The following SPOCK1 variants were observed in gnomAD, a reference collection of about 807,000 sequenced individuals.
SPOCK1 encodes the protein SPARC (osteonectin), cwcv and kazal like domains proteoglycan 1.
SPOCK1 carries 23 observed loss-of-function variants against 55.3 expected under a neutral mutation model. That is an observed-to-expected ratio of 0.42 (90% CI 0.30 to 0.59). The LOEUF is 0.59. Ranked by LOEUF, SPOCK1 falls within the 20% of genes least tolerant of loss-of-function variation. The pLI is 0.22. For missense variants in SPOCK1, 499 were observed against 552.5 expected, an observed-to-expected ratio of 0.90 and a Z score of 0.97; for synonymous variants, 226 against 221.0, an observed-to-expected ratio of 1.02 and a Z score of -0.20.
At chr5:137,122,257 G>GCGCGCACA (rs1554098652) in intron 4 of SPOCK1, among the ~76,000 whole-genome samples, 1 of 145,884 alleles carries the variant, frequency 6.9e-6, no homozygotes, top group African/African-American at 2.7e-5. Flanking sequence ...ACACACACAC[G>GCGCGCACA]CACACACACA....
intron 3 of SPOCK1, among the ~76,000 whole-genome samples, chr5:137,158,742 G>T (rs1754469111): frequency 6.6e-6 from 1 of 152,032 alleles, no homozygotes; most frequent in Non-Finnish European, 1.5e-5. Context: ...GAGTCTCGGG[G>T]GCACCATAAC....
intron 6 of SPOCK1, among the ~76,000 whole-genome samples, chr5:137,045,072 T>C (rs1161292458): frequency 2.0e-5 from 3 of 146,984 alleles, no homozygotes; most frequent in African/African-American, 7.7e-5. Flanking sequence ...GTTCCAAGTC[T>C]TTGCTATTGT....
At chr5:137,303,986 T>C (rs755866031) in intron 2 of SPOCK1, among the ~76,000 whole-genome samples, 4 of 152,162 alleles carry the variant, frequency 2.6e-5, no homozygotes, top group Non-Finnish European at 4.4e-5. Flanking sequence ...GAAAGAAAGA[T>C]GGTGATGACG....
At chr5:137,062,729 G>GA (rs57273200) in intron 6 of SPOCK1, among the ~76,000 whole-genome samples, 66 of 151,272 alleles carry the variant, frequency 4.4e-4, no homozygotes, top group Admixed American at 6.6e-4. Flanking sequence ...GACCTTTCCT[G>GA]AAAAAAACAA....
Position 137,060,149 on chromosome 5 carries a change from G to A in SPOCK1, c.589+7566C>T, listed in dbSNP as rs77039717. Among the ~76,000 whole-genome samples, 10 of 152,114 alleles carry A rather than the reference G, an allele frequency of 6.6e-5. No individual in the cohort carries two copies. In the East Asian group the frequency reaches 9.7e-4, roughly 15 times the overall value. On this transcript the variant is annotated intron_variant, in intron 6 of 10. Transcript: ENST00000394945. ...TTCTACCATAAAGACACCTGCATAC[G>A]TCTGTTCATCACAGCACTATTCACA...
chr5:137,025,917 G>A (rs1751665602), intron 6 of SPOCK1, among the ~76,000 whole-genome samples: 7 of 152,184 alleles, frequency 4.6e-5, no homozygotes, highest in Admixed American at 4.6e-4. Flanking sequence ...ACTAGTCAAG[G>A]CAGCTAGGGA....
chr5:137,299,342 G>A (rs1052860517), intron 2 of SPOCK1, among the ~76,000 whole-genome samples: 18 of 151,984 alleles, frequency 1.2e-4, no homozygotes, highest in African/African-American at 3.9e-4. Flanking sequence ...GGGTTTATAC[G>A]CTATACCCCT....
At chr5:137,102,012 A>G (rs1348589152) in intron 5 of SPOCK1, among the ~76,000 whole-genome samples, 6 of 152,206 alleles carry the variant, frequency 3.9e-5, no homozygotes, top group African/African-American at 1.4e-4. Flanking sequence ...ATACATTCTT[A>G]CCAGCTCAAA....
chr5:137,473,938 C>A (rs1355003032), intron 2 of SPOCK1, among the ~76,000 whole-genome samples: 1 of 152,208 alleles, frequency 6.6e-6, no homozygotes, highest in Non-Finnish European at 1.5e-5. Context: ...ACAGCACTTG[C>A]AGTGACCCGT....
At chr5:137,441,851 G>C (rs772884536) in intron 2 of SPOCK1, among the ~76,000 whole-genome samples, 5 of 152,180 alleles carry the variant, frequency 3.3e-5, no homozygotes, top group Non-Finnish European at 7.3e-5. Flanking sequence ...ACTCACTCCA[G>C]CTCTCTGAGG....
chr5:137,412,631 T>C (rs1221455703), intron 2 of SPOCK1, among the ~76,000 whole-genome samples: 1 of 152,128 alleles, frequency 6.6e-6, no homozygotes, highest in African/African-American at 2.4e-5. Flanking sequence ...AAGCAGTCCC[T>C]CAGACAGAAA....
chr5:137,303,173 G>A (rs922289506), intron 2 of SPOCK1, among the ~76,000 whole-genome samples: 6 of 152,116 alleles, frequency 3.9e-5, no homozygotes, highest in Admixed American at 3.3e-4. Flanking sequence ...GCATTTTTGA[G>A]TGGGGGTTCC....
At chr5:137,421,804 G>T (rs952963648) in intron 2 of SPOCK1, among the ~76,000 whole-genome samples, 6 of 152,110 alleles carry the variant, frequency 3.9e-5, no homozygotes, top group Admixed American at 3.9e-4. Context: ...TACATTTAAG[G>T]TTAATATTGT....
chr5:136,977,936 A>C lies in SPOCK1; in HGVS notation c.*718T>G, dbSNP rs997755289. The stretch of plus-strand genomic sequence containing the variant: ...TTTTTCGAGTTTTTAAGATACCCAA[A>C]CACTTTTTCTGAGAGGTATGGGTGT... On this transcript the variant is annotated 3_prime_UTR_variant, in exon 11 of 11. Coordinates refer to ENST00000394945, the MANE Select transcript of SPOCK1 (RefSeq NM_004598.4). The C allele has an allele frequency of 6.2e-5, 13 of 210,012 alleles. No individual in the cohort carries two copies. The highest frequency in any genetic ancestry group is 1.2e-3 in the Middle Eastern group (1 of 824). 13.0% of individuals were successfully genotyped at this position (210,012 alleles called of 1,614,324 possible).
chr5:137,282,783 G>T (rs146743997), intron 2 of SPOCK1, among the ~76,000 whole-genome samples: 3,119 of 152,242 alleles, frequency 0.02, 36 homozygotes, highest in Non-Finnish European at 0.033. Flanking sequence ...TTTTGACTCA[G>T]CAGTGCCCAG....
At chr5:137,358,128 T>C (rs928903307) in intron 2 of SPOCK1, among the ~76,000 whole-genome samples, 11 of 152,068 alleles carry the variant, frequency 7.2e-5, no homozygotes, top group Middle Eastern at 3.2e-3. Context: ...CTAGCCTGCT[T>C]AGGGAGGAGG....
chr5:137,200,498 C>T (rs1266300311), intron 3 of SPOCK1, among the ~76,000 whole-genome samples: 1 of 152,234 alleles, frequency 6.6e-6, no homozygotes, highest in Admixed American at 6.5e-5. Flanking sequence ...CCCTCACCAG[C>T]ATCTATGCTC....
chr5:137,365,788 A>G (rs1330764540), intron 2 of SPOCK1, among the ~76,000 whole-genome samples: 2 of 152,248 alleles, frequency 1.3e-5, no homozygotes, highest in East Asian at 1.9e-4. Context: ...TATTATTGAT[A>G]GAAAAGTTAC....
In SPOCK1 at chr5:137,319,769, C is replaced by A. The variant is rs189022824; in HGVS notation, c.187-52714G>T. ...GACCATCCTGGCTAACAAGGTGAAA[C>A]CCCGTCTCTACTAAAAATACAAAAA... On this transcript the variant is annotated intron_variant, in intron 2 of 10. Coordinates refer to ENST00000394945, the MANE Select transcript of SPOCK1 (RefSeq NM_004598.4). Among the ~76,000 whole-genome samples the A allele has an allele frequency of 3.4e-3, 518 of 151,818 alleles. 1 individual carries two copies. The highest frequency in any genetic ancestry group is 7.5e-3 in the Admixed American group (114 of 15,274).
Sources: gnomAD v4.1 joint callset for allele counts (sites outside exome capture counted in the v4.1 genomes callset) on GRCh38, gnomAD v4.1.1 for gene constraint, MANE v1.5 for transcripts, NCBI Gene and HGNC (gene_info 2026-07-23, HGNC 2026-07-21) for gene names.